DAB1: variants seen among roughly 807,000 people sequenced by gnomAD.
DAB1 encodes DAB adaptor protein 1, also known as disabled homolog 1.
In DAB1, 15 loss-of-function variants were observed where a neutral mutation model predicts 64.6. The observed-to-expected ratio is 0.23, with a 90% CI of 0.16 to 0.36. The LOEUF is 0.36. Ranked by LOEUF, DAB1 falls within the 10% of genes least tolerant of loss-of-function variation. DAB1 has a pLI of 1.00. For synonymous variants in DAB1, 235 were observed against 251.9 expected (o/e 0.93, Z 0.64); for missense variants, 596 against 706.7 (o/e 0.84, Z 1.78).
At chr1:58,123,785 T>G (rs1652891171) in intron 5 of DAB1, among the ~76,000 whole-genome samples, 2 of 152,222 alleles carry the variant, frequency 1.3e-5, no homozygotes, top group Admixed American at 6.5e-5. Context: ...GTAAATAAAG[T>G]CTTATTCAAT....
intron 5 of DAB1, among the ~76,000 whole-genome samples, chr1:58,061,549 A>T (rs1170613975): frequency 2.0e-5 from 3 of 152,120 alleles, no homozygotes; most frequent in Non-Finnish European, 4.4e-5. Context: ...GACACCACTT[A>T]TACTGGATTA....
At chr1:57,395,268 C>T (rs1011143679) in intron 1 of DAB1, among the ~76,000 whole-genome samples, 3 of 152,246 alleles carry the variant, frequency 2.0e-5, no homozygotes, top group Non-Finnish European at 4.4e-5. Context: ...TCAAGTGATC[C>T]GCCTGCCTCA....
intron 2 of DAB1, among the ~76,000 whole-genome samples, chr1:57,163,675 A>T (rs1660968936): frequency 6.6e-6 from 1 of 152,094 alleles, no homozygotes; most frequent in Admixed American, 6.6e-5. Flanking sequence ...AATAATCCAG[A>T]TGAGTGACGA....
intron 5 of DAB1, among the ~76,000 whole-genome samples, chr1:57,903,133 T>C (rs1202846): frequency 0.18 from 27,316 of 152,052 alleles, 2,799 homozygotes; most frequent in Admixed American, 0.27. Context: ...CCCACCCCCA[T>C]GATTCAATTA....
intron 6 of DAB1, among the ~76,000 whole-genome samples, chr1:57,727,986 A>G (rs1048311918): frequency 1.3e-5 from 2 of 152,054 alleles, no homozygotes; most frequent in African/African-American, 4.8e-5. Context: ...TGGGCCTCAT[A>G]AGCTATGGTT....
At chr1:58,527,585 GGAATTT>G (rs1325350525) in intron 1 of DAB1, among the ~76,000 whole-genome samples, 9 of 152,076 alleles carry the variant, frequency 5.9e-5, no homozygotes, top group Non-Finnish European at 1.3e-4. Context: ...TGTAGTATAA[GGAATTT>G]ACTTCTATTT....
rs371664052 is a variant in DAB1 at position 57,129,422 on chromosome 1, A to G, written c.306+7121T>C. ...TCCCCTTAAAGGTTCTATCTATTTGACATTAAAATAGATCTGGGGCAGCCA... is the reference window on the plus strand; with the variant it reads ...TCCCCTTAAAGGTTCTATCTATTTGGCATTAAAATAGATCTGGGGCAGCCA... On this transcript the variant is annotated intron_variant, in intron 4 of 14. Coordinates refer to ENST00000371236, the MANE Select transcript of DAB1 (RefSeq NM_001365792.1). Among the ~76,000 whole-genome samples, 91 of 152,278 alleles carry G rather than the reference A, an allele frequency of 6.0e-4. 2 individuals are homozygous for G. The East Asian group carries it at 0.013, about 21-fold the overall frequency.
chr1:57,898,803 A>G (rs756548807), intron 5 of DAB1, among the ~76,000 whole-genome samples: 1 of 152,242 alleles, frequency 6.6e-6, no homozygotes, highest in South Asian at 2.1e-4. Context: ...AGGACATATA[A>G]CCAGCTGATC....
chr1:57,788,678 G>T (rs1650449741), intron 6 of DAB1, among the ~76,000 whole-genome samples: 1 of 152,154 alleles, frequency 6.6e-6, no homozygotes, highest in Non-Finnish European at 1.5e-5. Flanking sequence ...CGCCAGCTCT[G>T]TTACTTCCTG....
At chr1:58,094,257 T>C (rs1347626570) in intron 5 of DAB1, among the ~76,000 whole-genome samples, 3 of 152,218 alleles carry the variant, frequency 2.0e-5, no homozygotes, top group East Asian at 1.9e-4. Context: ...GATGGCTTTG[T>C]AGCTTTGCAG....
Position 57,582,139 on chromosome 1 carries a change from C to T in DAB1, n.625+67453G>A, listed in dbSNP as rs373421408. ...GACCTCATTTAAAGCTATTCACCTC[C>T]TGTATTAGTCCATTTTCACACTGAT... On this transcript the variant is annotated intron_variant and non_coding_transcript_variant, in intron 7 of 20. Coordinates refer to the DAB1 transcript ENST00000485760. Among the ~76,000 whole-genome samples the T allele has an allele frequency of 3.9e-5, 6 of 152,276 alleles. No homozygotes were observed. The South Asian group carries it at 1.0e-3, about 26-fold the overall frequency.
intron 1 of DAB1, among the ~76,000 whole-genome samples, chr1:57,366,041 A>G (rs560572833): frequency 6.6e-6 from 1 of 152,296 alleles, no homozygotes; most frequent in African/African-American, 2.4e-5. Flanking sequence ...GACTATGCAA[A>G]TTGGTGGTCG....
At chr1:57,491,205 G>A (rs1488851021) in intron 7 of DAB1, among the ~76,000 whole-genome samples, 7 of 152,146 alleles carry the variant, frequency 4.6e-5, no homozygotes, top group African/African-American at 1.7e-4. Context: ...GAGGCGGGTG[G>A]ATCATGAGTT....
At chr1:57,986,530 TAGC>T (rs1167044866) in intron 5 of DAB1, among the ~76,000 whole-genome samples, 1 of 152,200 alleles carries the variant, frequency 6.6e-6, no homozygotes, top group Non-Finnish European at 1.5e-5. Context: ...TATTTTATGA[TAGC>T]AGCCACAATG....
At chr1:57,286,301 T>G (rs1672310808) in intron 2 of DAB1, among the ~76,000 whole-genome samples, 1 of 152,182 alleles carries the variant, frequency 6.6e-6, no homozygotes, top group South Asian at 2.1e-4. Context: ...AATTGTCAGG[T>G]ATTCTTTTTT....
intron 1 of DAB1, among the ~76,000 whole-genome samples, chr1:58,530,090 C>T (rs1013506607): frequency 6.6e-6 from 1 of 152,114 alleles, no homozygotes; most frequent in African/African-American, 2.4e-5. Context: ...ACCACGTTAG[C>T]CAGGATGGTC....
At chr1:57,188,217 T>G (rs1248642192) in intron 2 of DAB1, among the ~76,000 whole-genome samples, 3 of 152,090 alleles carry the variant, frequency 2.0e-5, no homozygotes, top group Non-Finnish European at 4.4e-5. Flanking sequence ...CTGATTAGAG[T>G]GCTGAGGCTT....
chr1:58,188,028 C>T (rs1192011951), intron 4 of DAB1, among the ~76,000 whole-genome samples: 1 of 152,020 alleles, frequency 6.6e-6, no homozygotes, highest in East Asian at 1.9e-4. Flanking sequence ...CCTGCCTCAG[C>T]CTCCTTAGTA....
At chr1:57,332,019 G>A (rs534824786) in intron 1 of DAB1, among the ~76,000 whole-genome samples, 1 of 152,254 alleles carries the variant, frequency 6.6e-6, no homozygotes, top group South Asian at 2.1e-4. Context: ...CCTAGCCGGA[G>A]TTAGTGCAAT....
Sources: allele counts gnomAD v4.1 joint callset (sites outside exome capture counted in the v4.1 genomes callset), GRCh38; gene constraint gnomAD v4.1.1; transcripts MANE v1.5; gene names NCBI Gene and HGNC (gene_info 2026-07-23, HGNC 2026-07-21).